Variants in PRICKLE2 observed in about 807,000 individuals in gnomAD.
PRICKLE2 encodes the protein prickle-like protein 2.
PRICKLE2 carries 21 observed loss-of-function variants against 81.4 expected under a neutral mutation model. That is an observed-to-expected ratio of 0.26 (90% CI 0.18 to 0.37). The LOEUF (loss-of-function observed/expected upper bound fraction) is 0.37. Among genes scored for constraint, PRICKLE2 ranks in the 10% least tolerant of loss-of-function variants. The probability of loss-of-function intolerance (pLI) is 1.00; values close to 1 mark genes in which losing one functional copy is unlikely to be tolerated. For missense variants in PRICKLE2, 940 were observed against 1,109.0 expected, an observed-to-expected ratio of 0.85 and a Z score of 2.16; for synonymous variants, 456 against 421.5, an observed-to-expected ratio of 1.08 and a Z score of -1.00.
intron 2 of PRICKLE2, among the ~76,000 whole-genome samples, chr3:64,265,337 A>G (rs2079684208): frequency 6.6e-6 from 1 of 152,158 alleles, no homozygotes; most frequent in African/African-American, 2.4e-5. Flanking sequence ...ATATTCAACT[A>G]GGATTACCAT....
chr3:64,108,461 G>A (rs556056817), intron 7 of PRICKLE2, among the ~76,000 whole-genome samples: 4 of 152,174 alleles, frequency 2.6e-5, no homozygotes, highest in Admixed American at 6.5e-5. Flanking sequence ...GAGCTTAAAC[G>A]CCACCACATG....
chr3:64,224,818 C>T (rs1296702462), intron 1 of PRICKLE2, 92 bp downstream of exon 1: 4 of 724,018 alleles, frequency 5.5e-6, no homozygotes, highest in Non-Finnish European at 6.8e-6. Context: ...AATATCCTCC[C>T]CCAGTGCAAA....
intron 2 of PRICKLE2, among the ~76,000 whole-genome samples, chr3:64,164,303 C>T (rs1392682190): frequency 6.6e-6 from 1 of 152,086 alleles, no homozygotes. Context: ...CTTGAACACA[C>T]CACAGCCTGG....
intron 2 of PRICKLE2, among the ~76,000 whole-genome samples, chr3:64,234,852 T>G (rs1402996952): frequency 6.6e-6 from 1 of 152,206 alleles, no homozygotes; most frequent in African/African-American, 2.4e-5. Flanking sequence ...TGTTTGAGTG[T>G]GAATCTCTTT....
intron 1 of PRICKLE2, among the ~76,000 whole-genome samples, chr3:64,202,829 C>T (rs946708694): frequency 6.6e-6 from 1 of 152,062 alleles, no homozygotes; most frequent in Non-Finnish European, 1.5e-5. Context: ...CAAGGGTGGA[C>T]ATCTTTGTTG....
chr3:64,132,718 G>T (rs1339203422), intron 7 of PRICKLE2, among the ~76,000 whole-genome samples: 1 of 152,226 alleles, frequency 6.6e-6, no homozygotes, highest in Non-Finnish European at 1.5e-5. Flanking sequence ...ATAGAGAATA[G>T]ATAAAACAGT....
intron 7 of PRICKLE2, among the ~76,000 whole-genome samples, chr3:64,119,986 T>A (rs965362730): frequency 2.6e-5 from 4 of 152,174 alleles, no homozygotes; most frequent in African/African-American, 9.7e-5. Context: ...TGTTCTCACT[T>A]GTAAGTGGGA....
intron 7 of PRICKLE2, among the ~76,000 whole-genome samples, chr3:64,124,645 G>A (rs765617370): frequency 6.6e-6 from 1 of 152,158 alleles, no homozygotes; most frequent in Non-Finnish European, 1.5e-5. Flanking sequence ...AGTCCACTCT[G>A]ATTGTGCTGT....
At chr3:64,192,935 G>T (rs572135860) in intron 2 of PRICKLE2, among the ~76,000 whole-genome samples, 1 of 152,260 alleles carries the variant, frequency 6.6e-6, no homozygotes, top group Non-Finnish European at 1.5e-5. Flanking sequence ...CAATCTGATG[G>T]CCTCTTCAGA....
At chr3:64,102,838 T>C (rs1320270286) in intron 7 of PRICKLE2, 1 of 152,138 alleles carries the variant, frequency 6.6e-6, no homozygotes, top group Non-Finnish European at 1.5e-5. Flanking sequence ...CTGTGGTCAA[T>C]TAATAATGGT....
At chr3:64,211,087 G>A (rs2078778532) in intron 1 of PRICKLE2, among the ~76,000 whole-genome samples, 1 of 152,100 alleles carries the variant, frequency 6.6e-6, no homozygotes, top group Non-Finnish European at 1.5e-5. Context: ...GGAAGTAGGG[G>A]TACTTATCAA....
chr3:64,167,217 C>A (rs1269631704), intron 2 of PRICKLE2, among the ~76,000 whole-genome samples: 1 of 152,120 alleles, frequency 6.6e-6, no homozygotes, highest in East Asian at 1.9e-4. Context: ...ATAAGCAAAT[C>A]CAATAGAATT....
chr3:64,237,578 G>A (rs907512665), intron 2 of PRICKLE2, among the ~76,000 whole-genome samples: 1 of 152,132 alleles, frequency 6.6e-6, no homozygotes, highest in Admixed American at 6.5e-5. Flanking sequence ...CTCTGCCAGT[G>A]GAGCCTGGGG....
chr3:64,122,154 C>T (rs919087357), intron 7 of PRICKLE2, among the ~76,000 whole-genome samples: 18 of 152,106 alleles, frequency 1.2e-4, no homozygotes, highest in Admixed American at 2.0e-4. Flanking sequence ...GAATGGAAAA[C>T]ACTTAGGAGG....
rs1004428294 is a variant in PRICKLE2, at chr3:64,153,477, A to G, written c.601-109T>C. The G allele has an allele frequency of 6.9e-6, 7 of 1,008,802 alleles. No individual in the cohort carries two copies. In the East Asian group the frequency reaches 1.7e-4, roughly 25 times the overall value. The allele number at this position is 1,008,802 out of a possible 1,614,324, so 62.5% of individuals were successfully genotyped here. Reference sequence around the variant, plus strand: ...CTAGAAGGGTAAGAAAGCAGATCCTACTCACAAATAATTAAACAAAAATCC... The same window carrying G: ...CTAGAAGGGTAAGAAAGCAGATCCTGCTCACAAATAATTAAACAAAAATCC... On this transcript the variant is annotated intron_variant, in intron 5 of 7. Transcript: ENST00000638394.
At chr3:64,183,897 A>G (rs1477024589) in intron 2 of PRICKLE2, among the ~76,000 whole-genome samples, 1 of 152,168 alleles carries the variant, frequency 6.6e-6, no homozygotes, top group Non-Finnish European at 1.5e-5. Context: ...TTCCCTGGGT[A>G]TTTACCCTGA....
chr3:64,148,306 C>G (rs1330910268), intron 6 of PRICKLE2, among the ~76,000 whole-genome samples: 1 of 152,228 alleles, frequency 6.6e-6, no homozygotes, highest in African/African-American at 2.4e-5. Flanking sequence ...CTCCATTACT[C>G]TCCACCCTTA....
chr3:64,175,481 A>C (rs2078007425), intron 2 of PRICKLE2, among the ~76,000 whole-genome samples: 1 of 152,178 alleles, frequency 6.6e-6, no homozygotes, highest in Non-Finnish European at 1.5e-5. Context: ...GTCTACACCA[A>C]AGTAGTACAA....
At chr3:64,235,667 A>C (rs922188247) in intron 2 of PRICKLE2, among the ~76,000 whole-genome samples, 85 of 152,238 alleles carry the variant, frequency 5.6e-4, no homozygotes, top group African/African-American at 1.9e-3. Flanking sequence ...TTTCCTATTG[A>C]TATCACACCC....
Sources: allele counts gnomAD v4.1 joint callset (sites outside exome capture counted in the v4.1 genomes callset), GRCh38; gene constraint gnomAD v4.1.1; transcripts MANE v1.5; gene names NCBI Gene and HGNC (gene_info 2026-07-23, HGNC 2026-07-21).